FASTKD1: variants seen among roughly 807,000 people sequenced by gnomAD.
The protein encoded by FASTKD1 is FAST kinase domain-containing protein 1, mitochondrial.
FASTKD1 carries 94 observed loss-of-function variants against 90.9 expected under a neutral mutation model. The observed-to-expected ratio is 1.03, with a 90% CI of 0.88 to 1.23. FASTKD1 has a LOEUF of 1.23. FASTKD1 is among the 50% of genes most tolerant of loss of function. FASTKD1 has a pLI of 0.00. For synonymous variants in FASTKD1, 319 were observed against 345.8 expected, an observed-to-expected ratio of 0.92 and a Z score of 0.86; for missense variants, 945 against 993.5, an observed-to-expected ratio of 0.95 and a Z score of 0.66.
At chr2:169,554,918 C>T (rs766511137) in intron 7 of FASTKD1, among the ~76,000 whole-genome samples, 4 of 152,274 alleles carry the variant, frequency 2.6e-5, no homozygotes, top group Middle Eastern at 3.4e-3. Context: ...GAACTCATCA[C>T]CCTGCTGGCC....
chr2:169,549,802 G>A (rs962883480), intron 7 of FASTKD1, among the ~76,000 whole-genome samples: 32 of 152,062 alleles, frequency 2.1e-4, no homozygotes, highest in Non-Finnish European at 2.9e-4. Context: ...TAAAATAATC[G>A]TAATATTAAT....
chr2:169,530,753 T>A (rs761801619), intron 13 of FASTKD1, 52 bp from the exon 14 acceptor site: 3 of 958,948 alleles, frequency 3.1e-6, no homozygotes, highest in Non-Finnish European at 3.2e-6. Context: ...AGAAACTGAA[T>A]AATTACAAGC....
chr2:169,537,203 C>G, intron 12 of FASTKD1, 24 bp downstream of exon 12: 1 of 1,319,020 alleles, frequency 7.6e-7, no homozygotes, highest in Non-Finnish European at 1.1e-6. Context: ...CTGAAAGTAA[C>G]TAATAACCTA....
At chr2:169,547,884 CA>C (rs1158292826) in intron 7 of FASTKD1, among the ~76,000 whole-genome samples, 9 of 21,346 alleles carry the variant, frequency 4.2e-4, no homozygotes, top group South Asian at 3.7e-3. Flanking sequence ...GACTCCATCT[CA>C]AAAAAAAAAA....
chr2:169,563,256 G>A lies in FASTKD1; in HGVS notation c.541C>T (p.His181Tyr). The change falls in exon 4 of 15, where the codon CAT becomes TAT. Residue 181 changes from histidine (H) to tyrosine (Y), a missense_variant. Physicochemically the swap from His to Tyr is moderately conservative, Grantham distance 83. Coordinates refer to ENST00000453153, the MANE Select transcript of FASTKD1 (RefSeq NM_024622.6). ...PLMGKIADIV[H>Y]RNLETTQDLS... ...TCCTGTGTGGTTTCCAAGTTCCTATGAACAATATCAGCTATTTTTCCCATT... is the reference window on the plus strand; with the variant it reads ...TCCTGTGTGGTTTCCAAGTTCCTATAAACAATATCAGCTATTTTTCCCATT... 6.2e-7 allele frequency: 1 copy of A among 1,611,356 alleles called. No homozygotes were observed. Among genetic ancestry groups the A allele is most frequent in the South Asian group, 1.1e-5 (1 of 90,868 alleles).
chr2:169,573,546 C>T (rs1199991242), intron 1 of FASTKD1, 123 bp downstream of exon 1: 1 of 152,312 alleles, frequency 6.6e-6, no homozygotes, highest in African/African-American at 2.4e-5. Flanking sequence ...AGTCCATCCG[C>T]ACTTCAGAGA....
At chr2:169,556,378 G>C (rs1683312857) in intron 6 of FASTKD1, among the ~76,000 whole-genome samples, 1 of 149,026 alleles carries the variant, frequency 6.7e-6, no homozygotes, top group African/African-American at 2.5e-5. Context: ...GGAGGGTGCA[G>C]TGAGTTGTGA....
intron 13 of FASTKD1, chr2:169,530,945 T>C (rs1160177279): frequency 4.3e-6 from 3 of 691,106 alleles, no homozygotes; most frequent in African/African-American, 3.5e-5. Context: ...TATTTACACA[T>C]GCCTACTACA....
chr2:169,563,416 G>C, intron 3 of FASTKD1, 66 bp from the exon 4 acceptor site: 2 of 1,137,836 alleles, frequency 1.8e-6, no homozygotes, highest in Non-Finnish European at 1.2e-6. Flanking sequence ...ATAATATATA[G>C]TTATAAAATT....
chr2:169,548,969 T>C (rs558101527), intron 7 of FASTKD1, among the ~76,000 whole-genome samples: 62 of 151,472 alleles, frequency 4.1e-4, no homozygotes, highest in East Asian at 1.6e-3. Context: ...TGGTGGTGGG[T>C]GCCTGTAGTC....
intron 5 of FASTKD1, 76 bp from the exon 6 acceptor site, chr2:169,557,373 T>G (rs1203044055): frequency 2.9e-6 from 2 of 690,790 alleles, no homozygotes; most frequent in Non-Finnish European, 4.7e-6. Context: ...TAACAGTTCT[T>G]GGGTAACAAA....
intron 7 of FASTKD1, among the ~76,000 whole-genome samples, chr2:169,547,884 CAAAAAAAAAAAAAAAA>C (rs1158292826): frequency 1.5e-3 from 33 of 21,342 alleles, no homozygotes; most frequent in African/African-American, 2.9e-3. Context: ...GACTCCATCT[CAAAAAAAAAAAAAAAA>C]AAAAAAAAAA....
At chr2:169,555,299 T>C in intron 6 of FASTKD1, 44 bp from the exon 7 acceptor site, 2 of 1,523,562 alleles carry the variant, frequency 1.3e-6, no homozygotes, top group Non-Finnish European at 9.0e-7. Flanking sequence ...CATTCATTTA[T>C]TACACATTTA....
intron 3 of FASTKD1, among the ~76,000 whole-genome samples, chr2:169,568,943 G>A (rs138717816): frequency 0.012 from 1,729 of 149,718 alleles, 46 homozygotes; most frequent in African/African-American, 0.041. Flanking sequence ...AGGTTGCAGT[G>A]AGCTGAGACC....
At chr2:169,564,956 T>TC (rs1221914610) in intron 3 of FASTKD1, among the ~76,000 whole-genome samples, 1 of 149,344 alleles carries the variant, frequency 6.7e-6, no homozygotes, top group Non-Finnish European at 1.5e-5. Context: ...ATTTTTCTTT[T>TC]TTTTTTTTTT....
chr2:169,569,425 T>A (rs191620760), intron 2 of FASTKD1, among the ~76,000 whole-genome samples, 173 bp from the exon 3 acceptor site: 1 of 152,358 alleles, frequency 6.6e-6, no homozygotes, highest in Non-Finnish European at 1.5e-5. Flanking sequence ...TACAGCCTAA[T>A]AAACATCTAT....
chr2:169,568,211 T>C (rs1213146649), intron 3 of FASTKD1, among the ~76,000 whole-genome samples: 9 of 152,152 alleles, frequency 5.9e-5, no homozygotes, highest in African/African-American at 2.2e-4. Context: ...AACAGACAAG[T>C]AGCTACAGAT....
chr2:169,547,371 G>A (rs1559146116), intron 7 of FASTKD1, among the ~76,000 whole-genome samples: 1 of 152,138 alleles, frequency 6.6e-6, no homozygotes. Flanking sequence ...CTCACACAGG[G>A]TGTAGGGTGG....
chr2:169,557,952 TC>T (rs754839566), intron 5 of FASTKD1, among the ~76,000 whole-genome samples: 5 of 152,304 alleles, frequency 3.3e-5, no homozygotes, highest in Admixed American at 6.5e-5. Flanking sequence ...CTCCATGCCA[TC>T]CTTTCCACCA....
Sources: gnomAD v4.1 joint callset for allele counts (sites outside exome capture counted in the v4.1 genomes callset) on GRCh38, gnomAD v4.1.1 for gene constraint, MANE v1.5 for transcripts, NCBI Gene and HGNC (gene_info 2026-07-23, HGNC 2026-07-21) for gene names.